Variants in NGLY1 observed in about 807,000 individuals in gnomAD.
NGLY1 encodes the protein peptide-N(4)-(N-acetyl-beta-glucosaminyl)asparagine amidase.
A neutral mutation model predicts 84.6 loss-of-function variants in NGLY1; 68 were observed. That is an observed-to-expected ratio of 0.80 (90% CI 0.66 to 0.98). The LOEUF (loss-of-function observed/expected upper bound fraction) is 0.98. NGLY1 is among the 50% of genes least tolerant of loss of function. The pLI is 0.00. For missense variants in NGLY1, 779 were observed against 770.2 expected (o/e 1.01, Z -0.14); for synonymous variants, 280 against 275.2 (o/e 1.02, Z -0.17).
chr3:25,735,967 T>A (rs1314710101), intron 7 of NGLY1, 37 bp downstream of exon 7: 1 of 1,523,816 alleles, frequency 6.6e-7, no homozygotes, highest in East Asian at 2.3e-5. Context: ...AAATATATTT[T>A]ACTTTTGGAA....
At chr3:25,729,098 A>G in intron 10 of NGLY1, 35 bp downstream of exon 10, 1 of 1,318,446 alleles carries the variant, frequency 7.6e-7, no homozygotes. Context: ...TTAAACAATG[A>G]CAAAAGTTTT....
In NGLY1 at chr3:25,739,641, A is replaced by AC; in HGVS notation, c.816dup (p.Trp273ValfsTer12). 6.2e-7 allele frequency: 1 copy of AC among 1,614,006 alleles called. No homozygotes were observed. The highest frequency in any genetic ancestry group is 8.5e-7 in the Non-Finnish European group (1 of 1,179,988). On this transcript the variant is annotated frameshift_variant, in exon 5 of 12. Coordinates refer to ENST00000280700, the MANE Select transcript of NGLY1 (RefSeq NM_018297.4). LOFTEE classifies it high-confidence loss of function. ...TGATCTTCCACTTCCTTTGCACCCC[A>AC]CTTCAGCTCATCATCACTGGGCAGT...
chr3:25,765,389 G>C (rs1304001460), intron 2 of NGLY1, among the ~76,000 whole-genome samples: 2 of 151,782 alleles, frequency 1.3e-5, no homozygotes, highest in African/African-American at 4.8e-5. Context: ...GAACCTGGGA[G>C]GCAGAGGTGA....
In NGLY1 at chr3:25,729,218, T is replaced by C. The variant is rs752084106; in HGVS notation, c.1526A>G (p.Asn509Ser). The C allele has an allele frequency of 6.4e-7, 1 of 1,568,076 alleles. No homozygotes were observed. Among genetic ancestry groups the C allele is most frequent in the South Asian group, 1.2e-5 (1 of 83,852 alleles). ...IVKDRYVRVS[N>S]NNQTISGWEN... ...CCATCCAGAAATGGTTTGATTGTTA[T>C]TTGAAACTCGAACATAACGATCTTT... Residue 509 changes from asparagine (N) to serine (S), a missense_variant, in exon 10 of 12, where the codon AAT becomes AGT. By Grantham distance (46) the Asn-to-Ser change is conservative. Transcript: ENST00000280700.
At chr3:25,777,497 C>T (rs941207587) in intron 2 of NGLY1, among the ~76,000 whole-genome samples, 1 of 151,426 alleles carries the variant, frequency 6.6e-6, no homozygotes, top group Non-Finnish European at 1.5e-5. Flanking sequence ...GTGTCCTGGT[C>T]TCTGCCTCCC....
chr3:25,753,329 A>AT (rs1706854080), intron 3 of NGLY1, among the ~76,000 whole-genome samples: 1 of 152,334 alleles, frequency 6.6e-6, no homozygotes, highest in African/African-American at 2.4e-5. Context: ...CAGGGGCAAA[A>AT]TAAATATATT....
In NGLY1 at chr3:25,734,965, C is replaced by A. The variant is rs1385617965; in HGVS notation, c.1150-983G>T. 12 of 506,798 alleles carry A rather than the reference C, an allele frequency of 2.4e-5. No homozygotes were observed. In the South Asian group the frequency reaches 5.9e-4, roughly 25 times the overall value. 31.4% of individuals were successfully genotyped at this position (506,798 alleles called of 1,614,324 possible). A position where few individuals can be genotyped will look rare whatever the true frequency, so the allele number is the denominator to read the frequency against. ...CTGATTTTTGATACAAGTGGAAAGA[C>A]AATTCAATGGAGAAAAAATAATCTT... On this transcript the variant is annotated intron_variant, in intron 7 of 11. Coordinates refer to ENST00000280700, the MANE Select transcript of NGLY1 (RefSeq NM_018297.4).
rs1222079247 is a variant in NGLY1, at chr3:25,783,315, C to A, written c.76G>T (p.Glu26Ter). 1.2e-6 allele frequency: 2 copies of A among 1,604,286 alleles called. No individual in the cohort carries two copies. Among genetic ancestry groups the A allele is most frequent in the Admixed American group, 1.7e-5 (1 of 59,076 alleles). ...AVAELCQNTP[E>*]TFLEASKLLL... ...AGCTTGGAGGCCTCCAAAAAGGTCTCCGGGGTGTTCTGGCAGAGCTCAGCC... is the reference window on the plus strand; with the variant it reads ...AGCTTGGAGGCCTCCAAAAAGGTCTACGGGGTGTTCTGGCAGAGCTCAGCC... Residue 26 changes from glutamate (E) to a stop codon, truncating the protein, a stop_gained, in exon 1 of 12, where the codon GAG (glutamate) becomes TAG (stop). Coordinates refer to ENST00000280700, the MANE Select transcript of NGLY1 (RefSeq NM_018297.4). LOFTEE classifies it high-confidence loss of function. This position sits in a 1 kb window ranked among gnomAD's most constrained non-coding sequence, Gnocchi z 4.5.
chr3:25,787,304 T>G (rs1316471316), upstream of NGLY1, among the ~76,000 whole-genome samples: 2 of 152,150 alleles, frequency 1.3e-5, no homozygotes, highest in African/African-American at 4.8e-5. Flanking sequence ...ATGTACAATA[T>G]CCTAGTAACG....
Position 25,729,190 on chromosome 3 carries a change from C to T in NGLY1, c.1554G>A (p.Glu518=), listed in dbSNP as rs758985503. The T allele has an allele frequency of 1.3e-6, 2 of 1,560,162 alleles. No individual in the cohort carries two copies. The highest frequency in any genetic ancestry group is 4.7e-5 in the East Asian group (2 of 42,582). The change falls in exon 10 of 12, where the codon GAG becomes GAA. Residue 518 remains glutamate, a synonymous_variant. Coordinates refer to ENST00000280700, the MANE Select transcript of NGLY1 (RefSeq NM_018297.4). ...TAGATTCCATTTTCCACACGCCATTCTCCCATCCAGAAATGGTTTGATTGT... is the reference window on the plus strand; with the variant it reads ...TAGATTCCATTTTCCACACGCCATTTTCCCATCCAGAAATGGTTTGATTGT... ...SNNNQTISGW[E]NGVWKMESIF...
intron 10 of NGLY1, among the ~76,000 whole-genome samples, chr3:25,727,975 T>A (rs913997870): frequency 1.3e-5 from 2 of 152,150 alleles, no homozygotes; most frequent in Admixed American, 6.6e-5. Flanking sequence ...AAGATGTTCA[T>A]CCTCTCTCAT....
chr3:25,781,465 G>T (rs1165416305), intron 1 of NGLY1, among the ~76,000 whole-genome samples: 1 of 152,164 alleles, frequency 6.6e-6, no homozygotes, highest in Non-Finnish European at 1.5e-5. Context: ...GGGCTGTAGG[G>T]ACATTAGACT....
Position 25,764,267 on chromosome 3 carries a change from CTGCTCCACTGAAGCTTTTT to C in NGLY1, c.272_290del (p.Lys91SerfsTer8). On this transcript the variant is annotated frameshift_variant, in exon 3 of 12. Transcript: ENST00000280700. LOFTEE classifies it high-confidence loss of function. ...CAATCAGGTCACGAATTTTTTGCAGCTGCTCCACTGAAGCTTTTTTAGGAAAGATGAGATGTGTTTCTCC... is the reference window on the plus strand; with the variant it reads ...CAATCAGGTCACGAATTTTTTGCAGCTAGGAAAGATGAGATGTGTTTCTCC... 1 of 1,614,102 alleles carries C rather than the reference CTGCTCCACTGAAGCTTTTT, an allele frequency of 6.2e-7. No individual in the cohort carries two copies. Among genetic ancestry groups the C allele is most frequent in the Non-Finnish European group, 8.5e-7 (1 of 1,180,030 alleles).
At chr3:25,772,399 GC>G (rs933894881) in intron 2 of NGLY1, among the ~76,000 whole-genome samples, 3 of 151,996 alleles carry the variant, frequency 2.0e-5, no homozygotes, top group African/African-American at 7.2e-5. Flanking sequence ...ATTAAATAAT[GC>G]CCCCCTTTGT....
chr3:25,743,919 A>G (rs1363120479), intron 4 of NGLY1, among the ~76,000 whole-genome samples: 1 of 152,212 alleles, frequency 6.6e-6, no homozygotes, highest in Non-Finnish European at 1.5e-5. Flanking sequence ...GAGAAATAAA[A>G]GTAGATTCCT....
At chr3:25,734,765 GA>G (rs1705731051) in intron 7 of NGLY1, 1 of 921,614 alleles carries the variant, frequency 1.1e-6, no homozygotes, top group Admixed American at 6.2e-5. Flanking sequence ...AAACGGAAGA[GA>G]ATACGTCACT....
chr3:25,764,503 A>T (rs1707465669), intron 2 of NGLY1, among the ~76,000 whole-genome samples, 192 bp from the exon 3 acceptor site: 1 of 152,172 alleles, frequency 6.6e-6, no homozygotes, highest in Admixed American at 6.5e-5. Context: ...ATAAACCAGA[A>T]AATTAAAAAA....
intron 10 of NGLY1, 127 bp from the exon 11 acceptor site, chr3:25,720,318 T>C (rs1306100998): frequency 7.1e-6 from 5 of 702,108 alleles, no homozygotes; most frequent in African/African-American, 1.8e-5. Flanking sequence ...AAACTAACTT[T>C]TCCCTGTTGA....
intron 2 of NGLY1, among the ~76,000 whole-genome samples, chr3:25,774,189 C>T (rs1708038171): frequency 6.6e-6 from 1 of 152,208 alleles, no homozygotes; most frequent in Non-Finnish European, 1.5e-5. Flanking sequence ...ATTCTCTTTT[C>T]TTGGGGCAGA....
Sources: gnomAD v4.1 joint callset for allele counts (sites outside exome capture counted in the v4.1 genomes callset) on GRCh38, gnomAD v4.1.1 for gene constraint, Gnocchi (gnomAD v3.1) non-coding constraint, MANE v1.5 for transcripts, NCBI Gene and HGNC (gene_info 2026-07-23, HGNC 2026-07-21) for gene names.